The following YIPF1 variants were observed in gnomAD, a reference collection of about 807,000 sequenced individuals.
The protein encoded by YIPF1 is protein YIPF1.
In YIPF1, 22 loss-of-function variants were observed where a neutral mutation model predicts 37.0. The ratio of observed to expected loss-of-function variants is 0.59; its 90% CI spans 0.42 to 0.85. The LOEUF (loss-of-function observed/expected upper bound fraction) is 0.85, where lower values mean the gene tolerates loss of function less well. YIPF1 is among the 40% of genes least tolerant of loss of function. The probability of loss-of-function intolerance (pLI) is 0.00; values close to 1 mark genes in which losing one functional copy is unlikely to be tolerated. For missense variants in YIPF1, 355 were observed against 373.1 expected, an observed-to-expected ratio of 0.95 and a Z score of 0.40; for synonymous variants, 128 against 131.9, an observed-to-expected ratio of 0.97 and a Z score of 0.21.
chr1:53,869,933 C>A lies in YIPF1; in HGVS notation c.481+1439G>T, dbSNP rs191530895. ...TGTTGCCCAGGCTAGAGTGCAGTAG[C>A]GTGATCTCGGCTCACTGCAACCTCC... is the stretch of plus-strand genomic sequence containing the variant. On this transcript the variant is annotated intron_variant, in intron 7 of 10. Coordinates refer to ENST00000072644, the MANE Select transcript of YIPF1 (RefSeq NM_018982.5). Among the ~76,000 whole-genome samples, 394 of 144,270 alleles carry A rather than the reference C, an allele frequency of 2.7e-3. 1 individual carries two copies. The highest frequency in any genetic ancestry group is 9.5e-3 in the African/African-American group (373 of 39,172). 94.6% of individuals were successfully genotyped at this position (144,270 alleles called of 152,430 possible).
chr1:53,861,372 A>G (rs1384249677), intron 9 of YIPF1, among the ~76,000 whole-genome samples: 2 of 152,112 alleles, frequency 1.3e-5, no homozygotes, highest in Non-Finnish European at 2.9e-5. Flanking sequence ...GCAGGAACAA[A>G]GCCTTTCTTC....
In YIPF1 at chr1:53,869,598, C is replaced by G. The variant is rs1173234756; in HGVS notation, c.481+1774G>C. Among the ~76,000 whole-genome samples the G allele has an allele frequency of 2.6e-5, 4 of 152,130 alleles. No individual in the cohort carries two copies. In the East Asian group the frequency reaches 7.7e-4, roughly 29 times the overall value. On this transcript the variant is annotated intron_variant, in intron 7 of 10. Coordinates refer to ENST00000072644, the MANE Select transcript of YIPF1 (RefSeq NM_018982.5). ...CTGGTGCTCTTATCCAGGCTACTTA[C>G]AGCCTCTCGACAGCAGAGCAGGCAG...
chr1:53,874,230 G>C (rs1020444414), intron 6 of YIPF1, among the ~76,000 whole-genome samples: 3 of 152,098 alleles, frequency 2.0e-5, no homozygotes, highest in African/African-American at 2.4e-5. Flanking sequence ...GTGGAAGGCT[G>C]GACTCCAGAG....
At chr1:53,868,354 G>T (rs1650087168) in intron 7 of YIPF1, among the ~76,000 whole-genome samples, 1 of 152,100 alleles carries the variant, frequency 6.6e-6, no homozygotes, top group Non-Finnish European at 1.5e-5. Flanking sequence ...CTAGTTCTAG[G>T]AAAAGAAACT....
In YIPF1 at chr1:53,871,451, T is replaced by A; in HGVS notation, c.402A>T (p.Ile134=). ...FWICATLVFA[I]AISGNLSNFL... ...AGTTGGAAAGATTCCCACTAATTGC[T>A]ATGGCAAAGACCAACGTGGCACATA... Residue 134 remains isoleucine (I), a synonymous_variant, in exon 7 of 11, where the codon ATA becomes ATT. Transcript: ENST00000072644. 1 of 1,614,110 alleles carries A rather than the reference T, an allele frequency of 6.2e-7. No individual in the cohort carries two copies.
intron 10 of YIPF1, among the ~76,000 whole-genome samples, 175 bp from the exon 11 acceptor site, chr1:53,852,445 A>C (rs1016880212): frequency 2.0e-4 from 31 of 152,174 alleles, no homozygotes; most frequent in African/African-American, 7.2e-4. Context: ...TTTGATGCTA[A>C]AAGTAGAGCT....
At chr1:53,854,304 G>C (rs35859571) in intron 10 of YIPF1, among the ~76,000 whole-genome samples, 5 of 152,062 alleles carry the variant, frequency 3.3e-5, no homozygotes, top group Non-Finnish European at 5.9e-5. Context: ...TTAATGGGTG[G>C]CCAGAAGCGA....
intron 9 of YIPF1, among the ~76,000 whole-genome samples, chr1:53,861,340 C>G (rs1158681098): frequency 6.6e-6 from 1 of 152,106 alleles, no homozygotes; most frequent in Non-Finnish European, 1.5e-5. Flanking sequence ...CTCAGGTACA[C>G]TGTGCCACAA....
chr1:53,866,439 G>C, intron 8 of YIPF1, 57 bp from the exon 9 acceptor site: 2 of 1,563,930 alleles, frequency 1.3e-6, no homozygotes. Flanking sequence ...GTTCATTCCA[G>C]GCACATATGT....
intron 9 of YIPF1, among the ~76,000 whole-genome samples, chr1:53,862,451 C>T (rs537906848): frequency 1.4e-4 from 22 of 152,282 alleles, no homozygotes; most frequent in African/African-American, 4.6e-4. Context: ...GCAGTAACCA[C>T]CTCAAACTTA....
At chr1:53,866,551 T>C (rs765305757) in intron 8 of YIPF1, among the ~76,000 whole-genome samples, 169 bp from the exon 9 acceptor site, 2 of 152,208 alleles carry the variant, frequency 1.3e-5, no homozygotes, top group Admixed American at 1.3e-4. Flanking sequence ...CTGAGGCATA[T>C]GCTTTTATAA....
chr1:53,883,569 G>A (rs1045843761), intron 3 of YIPF1, among the ~76,000 whole-genome samples: 6 of 152,164 alleles, frequency 3.9e-5, no homozygotes, highest in Non-Finnish European at 8.8e-5. Context: ...AAACCTCAGT[G>A]TTTTCATCTG....
chr1:53,865,410 AAAT>A (rs1443863851), intron 9 of YIPF1, among the ~76,000 whole-genome samples: 1 of 152,216 alleles, frequency 6.6e-6, no homozygotes, highest in Non-Finnish European at 1.5e-5. Flanking sequence ...ATGACAATAA[AAAT>A]AATACACATT....
At chr1:53,859,647 A>G (rs1213070674) in intron 10 of YIPF1, among the ~76,000 whole-genome samples, 1 of 152,194 alleles carries the variant, frequency 6.6e-6, no homozygotes, top group African/African-American at 2.4e-5. Flanking sequence ...CTTGGGCAAC[A>G]AGAGCGAAAC....
Position 53,878,393 on chromosome 1 carries a change from T to G in YIPF1, c.286A>C (p.Arg96=), listed in dbSNP as rs201590248. The G allele has an allele frequency of 3.7e-4, 601 of 1,613,970 alleles. No homozygotes were observed. The highest frequency in any genetic ancestry group is 4.8e-4 in the Non-Finnish European group (571 of 1,180,006). Residue 96 remains arginine, a synonymous_variant, in exon 6 of 11, where the codon AGA becomes CGA. Coordinates refer to ENST00000072644, the MANE Select transcript of YIPF1 (RefSeq NM_018982.5). ...FDVDTYQVFD[R]IKGSLLPIPG... is the part of the protein sequence containing the mutation. ...ATTGGCAAAAGAGATCCTTTAATTC[T>G]GTCAAAGACCTGGAAAACATCATAG...
At position 53,878,355 on chromosome 1, in the gene YIPF1, G is replaced by A. The variant is rs760953979; in HGVS notation, c.324C>T (p.Asn108=). 4 of 1,614,032 alleles carry A rather than the reference G, an allele frequency of 2.5e-6. No individual in the cohort carries two copies. In the Admixed American group the frequency reaches 5.0e-5, roughly 20 times the overall value. ...TGCTGCGGATATATAACCTCACAAA[G>A]TTTTTCCCGGGTATTGGCAAAAGAG... ...KGSLLPIPGK[N]FVRLYIRSNP... The change falls in exon 6 of 11, where the codon AAC becomes AAT. Residue 108 remains asparagine, a synonymous_variant. Coordinates refer to ENST00000072644, the MANE Select transcript of YIPF1 (RefSeq NM_018982.5).
chr1:53,879,496 A>C (rs1257566347), intron 4 of YIPF1, among the ~76,000 whole-genome samples: 1 of 143,788 alleles, frequency 7.0e-6, no homozygotes, highest in Non-Finnish European at 1.5e-5. Flanking sequence ...AGTACTAAAA[A>C]TATTACTACT....
At chr1:53,854,908 G>C (rs889735820) in intron 10 of YIPF1, 1 of 151,912 alleles carries the variant, frequency 6.6e-6, no homozygotes, top group Non-Finnish European at 1.5e-5. Context: ...GGAACTCTCA[G>C]TCTATGAAGT....
At chr1:53,858,228 C>T (rs1329458294) in intron 10 of YIPF1, among the ~76,000 whole-genome samples, 1 of 152,166 alleles carries the variant, frequency 6.6e-6, no homozygotes, top group Non-Finnish European at 1.5e-5. Flanking sequence ...TGACATTTTA[C>T]AATAGTTCCC....
Sources: allele counts gnomAD v4.1 joint callset (sites outside exome capture counted in the v4.1 genomes callset), GRCh38; gene constraint gnomAD v4.1.1; transcripts MANE v1.5; gene names NCBI Gene and HGNC (gene_info 2026-07-23, HGNC 2026-07-21).